Variants in BAZ2B observed in about 807,000 individuals in gnomAD.
BAZ2B encodes bromodomain adjacent to zinc finger domain protein 2B.
Under a neutral mutation model 246.0 loss-of-function variants are expected in BAZ2B, and 91 were observed. The ratio of observed to expected loss-of-function variants is 0.37; its 90% CI spans 0.31 to 0.44. The LOEUF is 0.44. BAZ2B is among the 20% of genes least tolerant of loss of function. The probability of loss-of-function intolerance (pLI) is 1.00; values close to 1 mark genes in which losing one functional copy is unlikely to be tolerated. For synonymous variants in BAZ2B, 855 were observed against 860.0 expected, an observed-to-expected ratio of 0.99 and a Z score of 0.10; for missense variants, 2,332 against 2,533.7, an observed-to-expected ratio of 0.92 and a Z score of 1.71.
intron 1 of BAZ2B, among the ~76,000 whole-genome samples, chr2:159,598,890 G>A (rs759660968): frequency 3.3e-5 from 5 of 152,118 alleles, no homozygotes; most frequent in Non-Finnish European, 4.4e-5. Flanking sequence ...GCTGTTAACT[G>A]GGTGTGGTGG....
At chr2:159,333,243 C>T (rs1241342119) in intron 33 of BAZ2B, among the ~76,000 whole-genome samples, 3 of 152,002 alleles carry the variant, frequency 2.0e-5, no homozygotes, top group Non-Finnish European at 4.4e-5. Flanking sequence ...AACCAGGAAA[C>T]GTTGAAAATC....
Position 159,431,129 on chromosome 2 carries a change from G to T in BAZ2B, c.1928C>A (p.Thr643Lys), listed in dbSNP as rs2071026611. Reference sequence around the variant, plus strand: ...ATCATCTTCTTCTTCTGATCCTTCTGTATCTGATTCTGAATTACTATCTGA... The same window carrying T: ...ATCATCTTCTTCTTCTGATCCTTCTTTATCTGATTCTGAATTACTATCTGA... ...SESDSNSESD[T>K]EGSEEEDDDD... Residue 643 changes from threonine (T) to lysine (K), a missense_variant, in exon 10 of 37, where the codon ACA (threonine) becomes AAA (lysine). Transcript: ENST00000392783. The T allele has an allele frequency of 6.2e-7, 1 of 1,609,206 alleles. No individual in the cohort carries two copies. The highest frequency in any genetic ancestry group is 8.5e-7 in the Non-Finnish European group (1 of 1,176,456).
intron 1 of BAZ2B, among the ~76,000 whole-genome samples, chr2:159,603,486 G>A (rs1263080555): frequency 6.6e-6 from 1 of 151,942 alleles, no homozygotes; most frequent in East Asian, 1.9e-4. Flanking sequence ...TACAATGAAA[G>A]AGTATCCCTC....
intron 13 of BAZ2B, among the ~76,000 whole-genome samples, chr2:159,415,374 G>C (rs943182895): frequency 6.6e-6 from 1 of 150,900 alleles, no homozygotes; most frequent in Admixed American, 6.6e-5. Flanking sequence ...GAACCCAGGG[G>C]GTGGAGGTTG....
chr2:159,660,509 T>C, the BAZ2B span, among the ~76,000 whole-genome samples: 2 of 152,200 alleles, frequency 1.3e-5, no homozygotes, highest in African/African-American at 4.8e-5. Flanking sequence ...GGTAACTCTA[T>C]GTTTAACTTT....
intron 31 of BAZ2B, among the ~76,000 whole-genome samples, chr2:159,346,110 C>T (rs1243000818): frequency 6.6e-6 from 1 of 152,138 alleles, no homozygotes; most frequent in Non-Finnish European, 1.5e-5. Context: ...CACTTTTATA[C>T]TGTATTATAG....
intron 31 of BAZ2B, among the ~76,000 whole-genome samples, chr2:159,346,701 C>CA (rs1354586980): frequency 6.6e-6 from 1 of 151,748 alleles, no homozygotes. Context: ...AAACAAAAAA[C>CA]AAAAAAACAA....
chr2:159,427,952 C>T lies in BAZ2B; in HGVS notation c.2455G>A (p.Asp819Asn). 1 of 1,613,324 alleles carries T rather than the reference C, an allele frequency of 6.2e-7. No individual in the cohort carries two copies. Among genetic ancestry groups the T allele is most frequent in the Non-Finnish European group, 8.5e-7 (1 of 1,179,368 alleles). Residue 819 changes from aspartate to asparagine, a missense_variant, in exon 13 of 37, where the codon GAT becomes AAT. Transcript: ENST00000392783. ...IRVGDFYEAR[D>N]GPQGMQWCLL... ...TAAAAAGTGGATACCTGCGGTCCATCTCTGGCTTCATAGAAGTCACCCACT... is the reference window on the plus strand; with the variant it reads ...TAAAAAGTGGATACCTGCGGTCCATTTCTGGCTTCATAGAAGTCACCCACT...
At chr2:159,348,911 T>A (rs2058265436) in intron 29 of BAZ2B, 78 bp from the exon 30 acceptor site, 1 of 1,534,880 alleles carries the variant, frequency 6.5e-7, no homozygotes, top group Non-Finnish European at 8.8e-7. Context: ...AAAGATTTAT[T>A]AACTATATAT....
At chr2:159,447,016 A>G in intron 5 of BAZ2B, 41 bp from the exon 6 acceptor site, 1 of 1,378,170 alleles carries the variant, frequency 7.3e-7, no homozygotes, top group South Asian at 1.6e-5. Context: ...ATGGAATATT[A>G]TTGCATCATT....
chr2:159,699,761 A>G, the BAZ2B span, among the ~76,000 whole-genome samples: 5 of 152,134 alleles, frequency 3.3e-5, no homozygotes, highest in South Asian at 2.1e-4. Context: ...AACCTACAAT[A>G]TATTTTATTC....
chr2:159,629,966 T>C, the BAZ2B span, among the ~76,000 whole-genome samples: 1 of 152,146 alleles, frequency 6.6e-6, no homozygotes, highest in Non-Finnish European at 1.5e-5. Context: ...TCACCATTCA[T>C]CTAAATATTT....
intron 4 of BAZ2B, among the ~76,000 whole-genome samples, chr2:159,450,710 A>G (rs2074959309): frequency 6.6e-6 from 1 of 152,070 alleles, no homozygotes; most frequent in South Asian, 2.1e-4. Context: ...TATATTCAAA[A>G]GAAAGAACAG....
chr2:159,557,328 T>A (rs2089301513), intron 1 of BAZ2B, among the ~76,000 whole-genome samples: 1 of 151,534 alleles, frequency 6.6e-6, no homozygotes, highest in South Asian at 2.1e-4. Context: ...GTTAATCAGA[T>A]CACATCATTC....
At chr2:159,429,064 C>T (rs12473781) in intron 11 of BAZ2B, 136 bp downstream of exon 11, 231,511 of 530,984 alleles carry the variant, frequency 0.44, 52,539 homozygotes, top group Non-Finnish European at 0.49. Flanking sequence ...CCCTTTGCTC[C>T]GGCTCTTCTG....
chr2:159,586,692 GA>G (rs1396017680), intron 1 of BAZ2B, among the ~76,000 whole-genome samples: 2 of 151,986 alleles, frequency 1.3e-5, no homozygotes, highest in East Asian at 3.9e-4. Flanking sequence ...AACAAAATGA[GA>G]TCCTGTCCCT....
intron 1 of BAZ2B, among the ~76,000 whole-genome samples, chr2:159,590,549 G>A (rs1400872833): frequency 6.6e-6 from 1 of 151,974 alleles, no homozygotes; most frequent in African/African-American, 2.4e-5. Context: ...CCAAGATCGT[G>A]CCACTTCACT....
intron 6 of BAZ2B, among the ~76,000 whole-genome samples, chr2:159,441,422 C>A (rs2073363476): frequency 6.6e-6 from 1 of 152,082 alleles, no homozygotes; most frequent in African/African-American, 2.4e-5. Flanking sequence ...GCCGAGCATA[C>A]TTTGGCCATG....
intron 34 of BAZ2B, 148 bp from the exon 35 acceptor site, chr2:159,326,066 C>A: frequency 1.4e-6 from 1 of 693,004 alleles, no homozygotes. Context: ...TAAGAAAGAT[C>A]TGTGTATTTT....
Sources: gnomAD v4.1 joint callset for allele counts (sites outside exome capture counted in the v4.1 genomes callset) on GRCh38, gnomAD v4.1.1 for gene constraint, MANE v1.5 for transcripts, NCBI Gene and HGNC (gene_info 2026-07-23, HGNC 2026-07-21) for gene names.